CLSTN2: variants seen among roughly 807,000 people sequenced by gnomAD.
The protein encoded by CLSTN2 is calsyntenin 2, also known as calsyntenin-2.
CLSTN2 carries 48 observed loss-of-function variants against 101.2 expected under a neutral mutation model. That is an observed-to-expected ratio of 0.47 (90% CI 0.38 to 0.60). The LOEUF (loss-of-function observed/expected upper bound fraction) is 0.60, where lower values mean the gene tolerates loss of function less well. Ranked by LOEUF, CLSTN2 falls within the 20% of genes least tolerant of loss-of-function variation. CLSTN2 has a pLI of 0.00. For missense variants in CLSTN2, 1,160 were observed against 1,238.2 expected, an observed-to-expected ratio of 0.94 and a Z score of 0.95; for synonymous variants, 481 against 463.6, an observed-to-expected ratio of 1.04 and a Z score of -0.48.
chr3:140,474,335 G>A (rs1385675994), intron 8 of CLSTN2, among the ~76,000 whole-genome samples: 23 of 152,084 alleles, frequency 1.5e-4, no homozygotes, highest in Non-Finnish European at 2.9e-5. Flanking sequence ...GGGTACTAGG[G>A]AGGAAGGAGG....
At chr3:140,188,842 C>T (rs1370563603) in intron 2 of CLSTN2, among the ~76,000 whole-genome samples, 1 of 152,078 alleles carries the variant, frequency 6.6e-6, no homozygotes, top group Non-Finnish European at 1.5e-5. Context: ...ATATCACAAC[C>T]AAAATATCGA....
At chr3:140,372,863 G>C (rs1159261335) in intron 2 of CLSTN2, among the ~76,000 whole-genome samples, 8 of 152,124 alleles carry the variant, frequency 5.3e-5, no homozygotes, top group Admixed American at 5.3e-4. Context: ...AGGATGGTTT[G>C]AGGGCAGGAA....
At chr3:140,517,111 A>T (rs900029943) in intron 8 of CLSTN2, among the ~76,000 whole-genome samples, 11 of 152,098 alleles carry the variant, frequency 7.2e-5, no homozygotes, top group African/African-American at 2.4e-4. Context: ...TACTTGTTCC[A>T]TTCTACTGTT....
chr3:140,508,329 C>T (rs539136379), intron 8 of CLSTN2: 1 of 152,356 alleles, frequency 6.6e-6, no homozygotes, highest in African/African-American at 2.4e-5. Flanking sequence ...AAGCTGGACC[C>T]TCATATTCTC....
chr3:140,438,244 C>CCGA (rs2088708217), intron 5 of CLSTN2, among the ~76,000 whole-genome samples: 1 of 151,744 alleles, frequency 6.6e-6, no homozygotes, highest in Non-Finnish European at 1.5e-5. Flanking sequence ...CACTCCTAAC[C>CCGA]CTGTCAGAGA....
At chr3:140,275,034 G>T (rs1014821866) in intron 2 of CLSTN2, among the ~76,000 whole-genome samples, 7 of 152,146 alleles carry the variant, frequency 4.6e-5, no homozygotes, top group Non-Finnish European at 8.8e-5. Flanking sequence ...GAAGCATCTG[G>T]ATATCTATGC....
intron 12 of CLSTN2, among the ~76,000 whole-genome samples, chr3:140,559,849 C>T (rs1010155498): frequency 6.6e-5 from 10 of 152,178 alleles, no homozygotes; most frequent in African/African-American, 2.4e-4. Flanking sequence ...ACTCAAGAGA[C>T]AGCCCTTCTT....
chr3:140,434,932 T>C (rs1452506495), intron 5 of CLSTN2, among the ~76,000 whole-genome samples: 3 of 152,224 alleles, frequency 2.0e-5, no homozygotes, highest in African/African-American at 7.2e-5. Flanking sequence ...TTTACCACTT[T>C]TGTGGGTACA....
At chr3:140,113,736 C>T (rs1412486188) in intron 1 of CLSTN2, among the ~76,000 whole-genome samples, 2 of 152,250 alleles carry the variant, frequency 1.3e-5, no homozygotes, top group African/African-American at 4.8e-5. Context: ...AAAACTGAGG[C>T]AGGGAGTGCT....
chr3:140,013,141 G>A (rs2007123420), intron 1 of CLSTN2, among the ~76,000 whole-genome samples: 1 of 152,216 alleles, frequency 6.6e-6, no homozygotes, highest in South Asian at 2.1e-4. Flanking sequence ...AGGATGTGGT[G>A]GGGTCACAGA....
intron 1 of CLSTN2, among the ~76,000 whole-genome samples, chr3:140,017,782 C>A (rs2007231485): frequency 6.6e-6 from 1 of 152,224 alleles, no homozygotes; most frequent in African/African-American, 2.4e-5. Flanking sequence ...CCCGCACAAG[C>A]AAAAGCTGGC....
At chr3:140,311,472 ATTTTTTT>A (rs1241981397) in intron 2 of CLSTN2, among the ~76,000 whole-genome samples, 1 of 129,700 alleles carries the variant, frequency 7.7e-6, no homozygotes, top group African/African-American at 2.9e-5. Flanking sequence ...TGCCTGGCTA[ATTTTTTT>A]TTTTTTTTTT....
chr3:140,083,063 T>G (rs2107782027), intron 1 of CLSTN2, among the ~76,000 whole-genome samples: 1 of 152,338 alleles, frequency 6.6e-6, no homozygotes, highest in African/African-American at 2.4e-5. Flanking sequence ...TTAGCTGACA[T>G]GTTACTTCCT....
chr3:140,535,632 T>C (rs560759948), intron 9 of CLSTN2, among the ~76,000 whole-genome samples: 1 of 152,360 alleles, frequency 6.6e-6, no homozygotes, highest in Non-Finnish European at 1.5e-5. Flanking sequence ...AGAAGTGCCT[T>C]ATGTTGTTTC....
intron 2 of CLSTN2, among the ~76,000 whole-genome samples, chr3:140,281,485 G>A (rs912523548): frequency 2.6e-5 from 4 of 152,152 alleles, no homozygotes; most frequent in East Asian, 1.9e-4. Context: ...ACTGAGTTCC[G>A]TGGTCACTGC....
At chr3:140,310,470 C>G (rs779321522) in intron 2 of CLSTN2, among the ~76,000 whole-genome samples, 9 of 152,138 alleles carry the variant, frequency 5.9e-5, no homozygotes, top group Admixed American at 1.3e-4. Flanking sequence ...CACAGACAAC[C>G]CTTCCGCCCT....
At chr3:139,960,374 T>C (rs1935486919) in intron 1 of CLSTN2, among the ~76,000 whole-genome samples, 1 of 152,154 alleles carries the variant, frequency 6.6e-6, no homozygotes, top group African/African-American at 2.4e-5. Flanking sequence ...CTCACTATAT[T>C]CTCTGTCTTG....
At chr3:140,084,391 C>A (rs886580105) in intron 1 of CLSTN2, among the ~76,000 whole-genome samples, 1 of 152,160 alleles carries the variant, frequency 6.6e-6, no homozygotes, top group Non-Finnish European at 1.5e-5. Context: ...TCAGCAAAGA[C>A]CTTAACCCCC....
intron 4 of CLSTN2, among the ~76,000 whole-genome samples, chr3:140,412,983 A>C (rs1283989833): frequency 1.3e-5 from 2 of 152,216 alleles, no homozygotes; most frequent in African/African-American, 4.8e-5. Context: ...GTTATACGTC[A>C]AGGAACTAGA....
Sources: gnomAD v4.1 joint callset for allele counts (sites outside exome capture counted in the v4.1 genomes callset) on GRCh38, gnomAD v4.1.1 for gene constraint, MANE v1.5 for transcripts, NCBI Gene and HGNC (gene_info 2026-07-23, HGNC 2026-07-21) for gene names.